The following DPH6 variants were observed in gnomAD, a reference collection of about 807,000 sequenced individuals.
The protein encoded by DPH6 is diphthamine biosynthesis 6.
Under a neutral mutation model 38.2 loss-of-function variants are expected in DPH6, and 33 were observed. The observed-to-expected ratio is 0.86, with a 90% CI of 0.65 to 1.15. The LOEUF is 1.15. DPH6 is among the 50% of genes most tolerant of loss of function. DPH6 has a pLI of 0.00. For missense variants in DPH6, 325 were observed against 320.0 expected (o/e 1.02, Z -0.12); for synonymous variants, 108 against 103.0 (o/e 1.05, Z -0.30).
intron 3 of DPH6, chr15:35,298,595 T>A: frequency 1.2e-6 from 1 of 822,116 alleles, no homozygotes; most frequent in Non-Finnish European, 2.2e-6. Context: ...CTTGGATGCA[T>A]CTTTCTCCGT....
At chr15:35,463,996 T>TA (rs200514827) in intron 3 of DPH6, among the ~76,000 whole-genome samples, 1 of 152,006 alleles carries the variant, frequency 6.6e-6, no homozygotes, top group East Asian at 1.9e-4. Flanking sequence ...AATGGACACA[T>TA]AAAGAAATAA....
intron 3 of DPH6, among the ~76,000 whole-genome samples, chr15:35,271,234 G>T (rs991186590): frequency 6.6e-6 from 1 of 151,466 alleles, no homozygotes; most frequent in Admixed American, 6.6e-5. Flanking sequence ...TAAATAAAAG[G>T]TCAATGGAGT....
intron 3 of DPH6, among the ~76,000 whole-genome samples, chr15:35,494,905 C>T (rs1392663698): frequency 6.6e-6 from 1 of 152,030 alleles, no homozygotes; most frequent in Non-Finnish European, 1.5e-5. Flanking sequence ...ATATTACAGG[C>T]TTTCACCCTA....
At chr15:35,199,783 C>T in the DPH6 span, among the ~76,000 whole-genome samples, 1 of 150,452 alleles carries the variant, frequency 6.6e-6, no homozygotes, top group Non-Finnish European at 1.5e-5. Context: ...CCTCTCTGAA[C>T]AGAACAGGGC....
At chr15:35,303,408 T>C (rs1053922495) in intron 3 of DPH6, among the ~76,000 whole-genome samples, 1 of 151,940 alleles carries the variant, frequency 6.6e-6, no homozygotes, top group African/African-American at 2.4e-5. Context: ...TTCTTACCAA[T>C]AGACGTTCCA....
At chr15:35,329,670 T>C (rs912490828), downstream of DPH6, among the ~76,000 whole-genome samples, 13 of 152,118 alleles carry the variant, frequency 8.5e-5, no homozygotes, top group Non-Finnish European at 1.9e-4. Context: ...CTGTTCTTGC[T>C]AAAATTTGGG....
chr15:35,382,473 A>AC (rs2052884209), intron 6 of DPH6, among the ~76,000 whole-genome samples: 5 of 152,034 alleles, frequency 3.3e-5, no homozygotes, highest in African/African-American at 4.8e-5. Flanking sequence ...ACACACACAC[A>AC]AAATTAAGAT....
chr15:35,485,381 T>A (rs1438574751), intron 3 of DPH6, among the ~76,000 whole-genome samples: 2 of 152,236 alleles, frequency 1.3e-5, no homozygotes, highest in African/African-American at 2.4e-5. Context: ...TATGTTATCA[T>A]GTCAAAACAA....
At chr15:35,305,230 A>T (rs2052080282) in intron 3 of DPH6, among the ~76,000 whole-genome samples, 2 of 152,136 alleles carry the variant, frequency 1.3e-5, no homozygotes, top group Non-Finnish European at 2.9e-5. Context: ...TAAAGGGCAC[A>T]CAGTAACTCT....
chr15:35,342,080 G>A (rs1179563671), intron 3 of DPH6, among the ~76,000 whole-genome samples: 1 of 152,222 alleles, frequency 6.6e-6, no homozygotes, highest in Non-Finnish European at 1.5e-5. Context: ...GCAAGCCAGT[G>A]AGTCTTAACT....
chr15:35,198,653 TAA>T, the DPH6 span, among the ~76,000 whole-genome samples: 22 of 152,344 alleles, frequency 1.4e-4, 1 homozygote, highest in African/African-American at 5.3e-4. Flanking sequence ...TGAAATGTAC[TAA>T]GTTTTTCTTA....
intron 3 of DPH6, among the ~76,000 whole-genome samples, chr15:35,239,470 G>C (rs1393414724): frequency 2.8e-5 from 4 of 144,248 alleles, no homozygotes; most frequent in Non-Finnish European, 6.1e-5. Flanking sequence ...TTTCAAGGGT[G>C]TCAGACCATG....
At chr15:35,521,663 A>T (rs2054924535) in intron 3 of DPH6, 2 of 1,230,686 alleles carry the variant, frequency 1.6e-6, no homozygotes, top group Non-Finnish European at 2.0e-6. Flanking sequence ...ATATTTAACT[A>T]GATATTTTAG....
At chr15:35,514,482 TAAG>T (rs1312279015) in intron 3 of DPH6, among the ~76,000 whole-genome samples, 1 of 152,114 alleles carries the variant, frequency 6.6e-6, no homozygotes, top group East Asian at 1.9e-4. Flanking sequence ...CTTCCTTAAA[TAAG>T]GAGGGATGTC....
At chr15:35,152,369 A>G in the DPH6 span, among the ~76,000 whole-genome samples, 1 of 152,128 alleles carries the variant, frequency 6.6e-6, no homozygotes, top group African/African-American at 2.4e-5. Flanking sequence ...TGACATCAGC[A>G]TATTAAAAAA....
chr15:35,300,029 CT>C (rs2140801506), intron 3 of DPH6, among the ~76,000 whole-genome samples: 1 of 152,288 alleles, frequency 6.6e-6, no homozygotes, highest in African/African-American at 2.4e-5. Flanking sequence ...GGCGCTTGTA[CT>C]AGGACTGTGA....
chr15:35,542,992 A>G (rs114959443), intron 1 of DPH6, among the ~76,000 whole-genome samples: 5,541 of 110,614 alleles, frequency 0.05, 240 homozygotes, highest in African/African-American at 0.097. Context: ...AATTATTGGG[A>G]AAAAAAAAAC....
intron 6 of DPH6, chr15:35,401,537 G>C (rs2053219344): frequency 1.3e-6 from 1 of 771,834 alleles, no homozygotes; most frequent in African/African-American, 1.7e-5. Context: ...GGAGGCAGAG[G>C]TGGCTTTGGT....
intron 3 of DPH6, among the ~76,000 whole-genome samples, chr15:35,250,250 T>C (rs1021769433): frequency 1.3e-5 from 2 of 152,008 alleles, no homozygotes; most frequent in Admixed American, 6.6e-5. Context: ...TATACCCTAA[T>C]GGCTTAACAT....
Sources: gnomAD v4.1 joint callset for allele counts (sites outside exome capture counted in the v4.1 genomes callset) on GRCh38, gnomAD v4.1.1 for gene constraint, MANE v1.5 for transcripts, NCBI Gene and HGNC (gene_info 2026-07-23, HGNC 2026-07-21) for gene names.